PGAP1: variants seen among roughly 807,000 people sequenced by gnomAD.
PGAP1 encodes the protein GPI inositol-deacylase.
PGAP1 carries 76 observed loss-of-function variants against 127.0 expected under a neutral mutation model. The ratio of observed to expected loss-of-function variants is 0.60; its 90% CI spans 0.50 to 0.72. The LOEUF is 0.72. PGAP1 is among the 30% of genes least tolerant of loss of function. PGAP1 has a pLI of 0.00. For synonymous variants in PGAP1, 362 were observed against 366.5 expected, an observed-to-expected ratio of 0.99 and a Z score of 0.14; for missense variants, 982 against 1,071.3, an observed-to-expected ratio of 0.92 and a Z score of 1.16.
chr2:196,890,347 A>G (rs1702058339), intron 10 of PGAP1, among the ~76,000 whole-genome samples: 2 of 152,218 alleles, frequency 1.3e-5, no homozygotes, highest in East Asian at 1.9e-4. Flanking sequence ...AAAAATCAAA[A>G]TCATTATTCT....
Position 196,847,065 on chromosome 2 carries a change from C to G in PGAP1, c.2088G>C (p.Trp696Cys), listed in dbSNP as rs769774487. 2.5e-6 allele frequency: 4 copies of G among 1,613,678 alleles called. No homozygotes were observed. The African/African-American group carries it at 5.3e-5, about 22-fold the overall frequency. Residue 696 changes from tryptophan (W) to cysteine (C), a missense_variant, in exon 22 of 27, where the codon TGG (tryptophan) becomes TGC (cysteine). Trp to Cys is a radical substitution (Grantham distance 215). Coordinates refer to ENST00000354764, the MANE Select transcript of PGAP1 (RefSeq NM_024989.4). ...CAGATGCAGAAGACAGTAGGCCACT[C>G]CAGTAGGCAGTACACGTTCCAAACA... ...LFLFGTCTAYWSGLLSSASVR... is the reference protein window; with the variant it reads ...LFLFGTCTAYCSGLLSSASVR...
Position 196,847,986 on chromosome 2 carries a change from TTG to T in PGAP1, c.1911_1912del (p.Tyr637Ter). 1 of 1,601,724 alleles carries T rather than the reference TTG, an allele frequency of 6.2e-7. No homozygotes were observed. The highest frequency in any genetic ancestry group is 8.5e-7 in the Non-Finnish European group (1 of 1,175,622). On this transcript the variant is annotated stop_gained and frameshift_variant, in exon 21 of 27. Transcript: ENST00000354764. LOFTEE classifies it high-confidence loss of function. ...AATGATAATTACAAAAGGATCAACT[TTG>T]TATGGTTTGGCTTCTTTATCCAACA...
At position 196,843,972 on chromosome 2, in the gene PGAP1, C is replaced by G; in HGVS notation, c.2441G>C (p.Arg814Pro). Residue 814 changes from arginine (R) to proline (P), a missense_variant, in exon 25 of 27, where the codon CGC becomes CCC. By Grantham distance (103) the Arg-to-Pro change is moderately radical (BLOSUM62 -2). Coordinates refer to ENST00000354764, the MANE Select transcript of PGAP1 (RefSeq NM_024989.4). ...LSANDAEDSL[R>P]MHSTVINLLT... ...TAAGTTAATCACAGTACTGTGCATG[C>G]GAAGGCTATCTTCAGCATCGTTGGC... 8 of 1,607,944 alleles carry G rather than the reference C, an allele frequency of 5.0e-6. No individual in the cohort carries two copies. The highest frequency in any genetic ancestry group is 6.8e-6 in the Non-Finnish European group (8 of 1,175,862).
At chr2:196,920,369 G>A (rs915424374) in intron 1 of PGAP1, among the ~76,000 whole-genome samples, 4 of 151,938 alleles carry the variant, frequency 2.6e-5, no homozygotes, top group African/African-American at 9.7e-5. Context: ...GTAGTCTTTA[G>A]GAAAACATAA....
intron 10 of PGAP1, among the ~76,000 whole-genome samples, chr2:196,887,341 G>A (rs575003965): frequency 2.6e-5 from 4 of 151,964 alleles, no homozygotes; most frequent in Non-Finnish European, 4.4e-5. Flanking sequence ...CCGAGATCGC[G>A]CCACTGCACT....
intron 4 of PGAP1, 52 bp from the exon 5 acceptor site, chr2:196,902,794 C>T (rs1263241605): frequency 7.3e-7 from 1 of 1,365,196 alleles, no homozygotes; most frequent in Admixed American, 2.0e-5. Flanking sequence ...TTCCCTGAAA[C>T]AATAAGATAT....
Position 196,843,915 on chromosome 2 carries a change from GA to G in PGAP1, c.2497del (p.Ser833LeufsTer2). On this transcript the variant is annotated frameshift_variant, in exon 25 of 27. Transcript: ENST00000354764. LOFTEE classifies it high-confidence loss of function. ...AAGATTCTTTAGCCAATAAATTAGA[GA>G]AGGCATGCTGAGTAATACAATCCAT... ...LTWIVLLSMP[S>X]LIYWLKNLRY... 6.5e-7 allele frequency: 1 copy of G among 1,528,970 alleles called. No homozygotes were observed. The highest frequency in any genetic ancestry group is 1.9e-5 in the Admixed American group (1 of 52,854). The allele number at this position is 1,528,970 out of a possible 1,614,324, so 94.7% of individuals were successfully genotyped here.
intron 1 of PGAP1, chr2:196,922,084 C>A (rs1439908981): frequency 2.5e-5 from 29 of 1,168,058 alleles, no homozygotes; most frequent in East Asian, 6.6e-5. Context: ...AACCCCTCTA[C>A]CATATTAAGA....
At chr2:196,874,559 T>C (rs1051508148) in intron 14 of PGAP1, among the ~76,000 whole-genome samples, 1 of 152,154 alleles carries the variant, frequency 6.6e-6, no homozygotes, top group African/African-American at 2.4e-5. Flanking sequence ...AATAACATTA[T>C]AGCAGAGAAA....
intron 24 of PGAP1, 59 bp downstream of exon 24, chr2:196,844,465 T>A (rs1700502683): frequency 7.9e-6 from 10 of 1,266,924 alleles, no homozygotes; most frequent in Non-Finnish European, 9.9e-6. Context: ...AAAAAACTCT[T>A]ATATTTCCCC....
At chr2:196,925,680 C>CCT (rs1703334784) in intron 1 of PGAP1, among the ~76,000 whole-genome samples, 1 of 152,050 alleles carries the variant, frequency 6.6e-6, no homozygotes, top group African/African-American at 2.4e-5. Context: ...CTCTTAAACT[C>CCT]CGAACCCAGC....
chr2:196,880,012 AG>A, intron 13 of PGAP1, 63 bp downstream of exon 13: 1 of 1,185,050 alleles, frequency 8.4e-7, no homozygotes, highest in Non-Finnish European at 1.2e-6. Flanking sequence ...TCATTGAAAA[AG>A]AACTGTAAAA....
intron 10 of PGAP1, among the ~76,000 whole-genome samples, chr2:196,890,127 G>A (rs1702052263): frequency 6.6e-6 from 1 of 151,938 alleles, no homozygotes; most frequent in Non-Finnish European, 1.5e-5. Flanking sequence ...CAGAGACGGG[G>A]TTTGACCATG....
At chr2:196,877,373 A>T (rs1254597456) in intron 13 of PGAP1, among the ~76,000 whole-genome samples, 1 of 152,100 alleles carries the variant, frequency 6.6e-6, no homozygotes, top group Non-Finnish European at 1.5e-5. Context: ...TGAAAGACTT[A>T]AGTTATAATT....
intron 20 of PGAP1, among the ~76,000 whole-genome samples, chr2:196,859,677 G>A (rs1413666623): frequency 6.6e-6 from 1 of 152,082 alleles, no homozygotes; most frequent in Non-Finnish European, 1.5e-5. Context: ...ACGATGAAGT[G>A]GGATTCATCC....
intron 5 of PGAP1, among the ~76,000 whole-genome samples, chr2:196,902,019 CTTTT>C (rs1278427358): frequency 1.3e-5 from 2 of 151,842 alleles, no homozygotes; most frequent in Non-Finnish European, 2.9e-5. Context: ...TTTGTACTTA[CTTTT>C]TTTTGTTTGT....
At chr2:196,899,166 C>T (rs185115352) in intron 5 of PGAP1, among the ~76,000 whole-genome samples, 55 of 152,200 alleles carry the variant, frequency 3.6e-4, no homozygotes, top group Non-Finnish European at 6.8e-4. Flanking sequence ...TCTTTATGTA[C>T]CATCAAAGAG....
chr2:196,917,611 C>A (rs1242589420), intron 2 of PGAP1, among the ~76,000 whole-genome samples: 1 of 152,130 alleles, frequency 6.6e-6, no homozygotes, highest in Admixed American at 6.5e-5. Context: ...CCTTTTGGAA[C>A]TGGCTTCTTT....
Position 196,916,556 on chromosome 2 carries a change from C to T in PGAP1, c.339G>A (p.Glu113=). 1.2e-6 allele frequency: 2 copies of T among 1,612,696 alleles called. No individual in the cohort carries two copies. Among genetic ancestry groups the T allele is most frequent in the East Asian group, 2.2e-5 (1 of 44,818 alleles). ...CAAAGTGGTACTTGAAGTCAATGTC[C>T]TCTGCTTTTCTAAGTGCAATGGAGC... ...SIGSIALRKA[E]DIDFKYHFDF... The change falls in exon 3 of 27, where the codon GAG becomes GAA. Residue 113 remains glutamate, a synonymous_variant. Transcript: ENST00000354764.
Sources: gnomAD v4.1 joint callset for allele counts (sites outside exome capture counted in the v4.1 genomes callset) on GRCh38, gnomAD v4.1.1 for gene constraint, MANE v1.5 for transcripts, NCBI Gene and HGNC (gene_info 2026-07-23, HGNC 2026-07-21) for gene names.